ZNF780A: variants seen among roughly 807,000 people sequenced by gnomAD.
ZNF780A encodes the protein zinc finger protein 780A.
A neutral mutation model predicts 56.7 loss-of-function variants in ZNF780A; 40 were observed. The ratio of observed to expected loss-of-function variants is 0.71; its 90% CI spans 0.55 to 0.92. ZNF780A has a LOEUF of 0.92. ZNF780A is among the 40% of genes least tolerant of loss of function. The probability of loss-of-function intolerance (pLI) is 0.00; values close to 1 mark genes in which losing one functional copy is unlikely to be tolerated. For missense variants in ZNF780A, 672 were observed against 783.3 expected, an observed-to-expected ratio of 0.86 and a Z score of 1.70; for synonymous variants, 231 against 248.3, an observed-to-expected ratio of 0.93 and a Z score of 0.66.
chr19:40,083,071 GA>G (rs1243483774), intron 4 of ZNF780A, 39 bp downstream of exon 4: 2 of 1,614,028 alleles, frequency 1.2e-6, no homozygotes, highest in Admixed American at 1.7e-5. Context: ...TGATATTCCA[GA>G]AAATAGATAT....
intron 5 of ZNF780A, among the ~76,000 whole-genome samples, chr19:40,077,763 C>G (rs78932196): frequency 6.6e-6 from 1 of 151,580 alleles, no homozygotes. Context: ...CTACTGCACA[C>G]GCCCAGAATC....
chr19:40,084,871 GT>G (rs1974695826), intron 2 of ZNF780A, 73 bp from the exon 3 acceptor site: 2 of 1,510,410 alleles, frequency 1.3e-6, no homozygotes, highest in African/African-American at 2.8e-5. Flanking sequence ...TTTATCCTCC[GT>G]TCCTATTTCT....
In ZNF780A at chr19:40,073,824, G is replaced by A. The variant is rs1005343997; in HGVS notation, c.*692C>T. 22 of 991,738 alleles carry A rather than the reference G, an allele frequency of 2.2e-5. No individual in the cohort carries two copies. The highest frequency in any genetic ancestry group is 3.5e-5 in the African/African-American group (2 of 57,364). The allele number at this position is 991,738 out of a possible 1,614,324, so 61.4% of individuals were successfully genotyped here. A position where few individuals can be genotyped will look rare whatever the true frequency, so the allele number is the denominator to read the frequency against. On this transcript the variant is annotated 3_prime_UTR_variant, in exon 6 of 6. Coordinates refer to ENST00000683561, the MANE Select transcript of ZNF780A (RefSeq NM_001142578.2). ...GAGTAAATTTTTCGTACACAGTGAA[G>A]GCTTGTCCACACTCCTTATTGTCAC...
intron 2 of ZNF780A, among the ~76,000 whole-genome samples, chr19:40,087,750 C>T (rs1277866331): frequency 6.6e-6 from 1 of 152,180 alleles, no homozygotes; most frequent in Non-Finnish European, 1.5e-5. Flanking sequence ...AACTATCTGA[C>T]TTCAAGATAT....
intron 2 of ZNF780A, chr19:40,085,326 G>C (rs968855647): frequency 1.0e-6 from 1 of 985,374 alleles, no homozygotes; most frequent in African/African-American, 1.7e-5. Flanking sequence ...TCTAAATTCA[G>C]CAAAAGCCAG....
At chr19:40,081,421 T>C (rs748106206) in intron 5 of ZNF780A, among the ~76,000 whole-genome samples, 1 of 151,676 alleles carries the variant, frequency 6.6e-6, no homozygotes, top group Non-Finnish European at 1.5e-5. Context: ...TCATCCCAGC[T>C]ACTTGAGAAG....
chr19:40,083,271 T>A, intron 3 of ZNF780A, 34 bp from the exon 4 acceptor site: 1 of 1,609,242 alleles, frequency 6.2e-7, no homozygotes, highest in Non-Finnish European at 8.5e-7. Context: ...ATGGTGAAAC[T>A]GAAGAAAGTT....
At chr19:40,090,127 A>G (rs1334868917) in intron 2 of ZNF780A, 39 bp downstream of exon 2, 1 of 152,174 alleles carries the variant, frequency 6.6e-6, no homozygotes, top group East Asian at 1.9e-4. Flanking sequence ...TCTAAAATCA[A>G]AAACGCATGT....
At chr19:40,082,505 T>C (rs560260805) in intron 4 of ZNF780A, among the ~76,000 whole-genome samples, 4 of 152,342 alleles carry the variant, frequency 2.6e-5, no homozygotes, top group African/African-American at 7.2e-5. Flanking sequence ...GGAATGTTTA[T>C]TGAAGGAAAT....
chr19:40,076,294 A>G, intron 5 of ZNF780A, 85 bp from the exon 6 acceptor site: 6 of 1,315,956 alleles, frequency 4.6e-6, no homozygotes, highest in Non-Finnish European at 5.1e-6. Context: ...GAAACCATCA[A>G]TTCAAACCAA....
chr19:40,074,154 T>G lies in ZNF780A; in HGVS notation c.*362A>C. ...ATGTTGAACAAGGTTTGAGCCACTATTGAAGGCCTTCCCACATTTCTCAAA... is the reference window on the plus strand; with the variant it reads ...ATGTTGAACAAGGTTTGAGCCACTAGTGAAGGCCTTCCCACATTTCTCAAA... On this transcript the variant is annotated 3_prime_UTR_variant, in exon 6 of 6. Coordinates refer to ENST00000683561, the MANE Select transcript of ZNF780A (RefSeq NM_001142578.2). 7.4e-7 allele frequency: 1 copy of G among 1,353,538 alleles called. No homozygotes were observed. Among genetic ancestry groups the G allele is most frequent in the Non-Finnish European group, 9.7e-7 (1 of 1,032,868 alleles). 83.8% of individuals were successfully genotyped at this position (1,353,538 alleles called of 1,614,324 possible).
intron 2 of ZNF780A, among the ~76,000 whole-genome samples, chr19:40,086,771 C>T (rs1300655644): frequency 3.9e-5 from 6 of 152,080 alleles, no homozygotes; most frequent in African/African-American, 9.7e-5. Flanking sequence ...GGCCTGATCT[C>T]GGCTCACTGC....
Position 40,081,835 on chromosome 19 carries a change from T to A in ZNF780A, c.216A>T (p.Thr72=), listed in dbSNP as rs770403113. 2 of 1,612,844 alleles carry A rather than the reference T, an allele frequency of 1.2e-6. No individual in the cohort carries two copies. Among genetic ancestry groups the A allele is most frequent in the Non-Finnish European group, 1.7e-6 (2 of 1,179,100 alleles). Reference sequence around the variant, plus strand: ...CTCACTTACCTGGATACCGTCTGCTTGTTTCTTTCCTTACAACCATCCAGG... The same window carrying A: ...CTCACTTACCTGGATACCGTCTGCTAGTTTCTTTCCTTACAACCATCCAGG... ...KEPWMVVRKE[T]SRRYPDLELK... Residue 72 remains threonine (T), a synonymous_variant, in exon 5 of 6, where the codon ACA becomes ACT. Transcript: ENST00000683561.
intron 5 of ZNF780A, among the ~76,000 whole-genome samples, chr19:40,077,764 G>A (rs769273075): frequency 2.7e-5 from 4 of 150,754 alleles, no homozygotes; most frequent in South Asian, 2.1e-4. Context: ...TACTGCACAC[G>A]CCCAGAATCA....
chr19:40,088,044 A>G (rs1236738406), intron 2 of ZNF780A, among the ~76,000 whole-genome samples: 2 of 152,210 alleles, frequency 1.3e-5, no homozygotes, highest in African/African-American at 4.8e-5. Flanking sequence ...GTAAGATCCT[A>G]AACTATGAAA....
intron 4 of ZNF780A, 26 bp from the exon 5 acceptor site, chr19:40,081,940 G>T: frequency 6.5e-7 from 1 of 1,545,874 alleles, no homozygotes; most frequent in African/African-American, 1.4e-5. Context: ...GACACATGTA[G>T]AATTTTTTTA....
chr19:40,078,091 C>T (rs1315196583), intron 5 of ZNF780A, among the ~76,000 whole-genome samples: 2 of 147,620 alleles, frequency 1.4e-5, no homozygotes, highest in African/African-American at 4.9e-5. Flanking sequence ...AGAAACTTAC[C>T]AATTTCATTA....
Position 40,073,049 on chromosome 19 carries a change from T to C in ZNF780A, c.*1467A>G. 1.4e-6 allele frequency: 2 copies of C among 1,457,120 alleles called. No individual in the cohort carries two copies. The highest frequency in any genetic ancestry group is 9.0e-7 in the Non-Finnish European group (1 of 1,107,076). 90.3% of individuals were successfully genotyped at this position (1,457,120 alleles called of 1,614,324 possible). On this transcript the variant is annotated 3_prime_UTR_variant, in exon 6 of 6. Transcript: ENST00000683561. The stretch of plus-strand genomic sequence containing the variant: ...CGGTAATTATGGTACAATGGCTATA[T>C]GATATTGTCTATATTGTCTTCATGT...
In ZNF780A at chr19:40,076,658, C is replaced by T. The variant is rs149500464; in HGVS notation, c.233-449G>A. On this transcript the variant is annotated intron_variant, in intron 5 of 5. Transcript: ENST00000683561. ...TGCCAGGGGCCTGGGGATCACCCCA[C>T]CCCTGCTTACCACAAGAACCAGCAC... 4.2e-3 allele frequency among the ~76,000 whole-genome samples: 644 copies of T among 152,162 alleles called. 10 individuals are homozygous for T. The highest frequency in any genetic ancestry group is 0.031 in the East Asian group (160 of 5,162).
Sources: gnomAD v4.1 joint callset for allele counts (sites outside exome capture counted in the v4.1 genomes callset) on GRCh38, gnomAD v4.1.1 for gene constraint, MANE v1.5 for transcripts, NCBI Gene and HGNC (gene_info 2026-07-23, HGNC 2026-07-21) for gene names.